Variants in DLGAP2 observed in about 807,000 individuals in gnomAD.
DLGAP2 encodes DLG associated protein 2.
Under a neutral mutation model 100.3 loss-of-function variants are expected in DLGAP2, and 26 were observed. That is an observed-to-expected ratio of 0.26 (90% CI 0.19 to 0.36). The LOEUF (loss-of-function observed/expected upper bound fraction) is 0.36. Ranked by LOEUF, DLGAP2 falls within the 10% of genes least tolerant of loss-of-function variation. The pLI is 1.00. For missense variants in DLGAP2, 1,858 were observed against 1,453.2 expected (o/e 1.28, Z -4.53); for synonymous variants, 886 against 630.1 (o/e 1.41, Z -6.08).
At chr8:917,874 C>G (rs1031311921) in intron 2 of DLGAP2, among the ~76,000 whole-genome samples, 1 of 152,136 alleles carries the variant, frequency 6.6e-6, no homozygotes, top group Non-Finnish European at 1.5e-5. Flanking sequence ...CTACTGCGCC[C>G]GGCCTCCAGA....
chr8:1,069,889 C>A (rs932293773), intron 2 of DLGAP2, among the ~76,000 whole-genome samples: 1 of 152,146 alleles, frequency 6.6e-6, no homozygotes, highest in Non-Finnish European at 1.5e-5. Flanking sequence ...CTAGAGAGGC[C>A]TCAGTTTCCC....
At chr8:831,740 A>G (rs183694929) in intron 1 of DLGAP2, among the ~76,000 whole-genome samples, 1 of 152,292 alleles carries the variant, frequency 6.6e-6, no homozygotes, top group East Asian at 1.9e-4. Flanking sequence ...CAGTAATTAG[A>G]TCACTGGGTC....
intron 14 of DLGAP2, 107 bp downstream of exon 14, chr8:1,697,406 C>T: frequency 2.7e-6 from 4 of 1,456,452 alleles, no homozygotes; most frequent in Non-Finnish European, 2.8e-6. Context: ...CTTTTGCTGG[C>T]AACACACGAG....
At chr8:1,640,771 G>A (rs986849392) in intron 8 of DLGAP2, among the ~76,000 whole-genome samples, 90 of 152,128 alleles carry the variant, frequency 5.9e-4, no homozygotes, top group Middle Eastern at 3.4e-3. Context: ...CACGTGGCCC[G>A]CCCCCCCGCA....
chr8:780,348 A>T (rs1226738824), intron 1 of DLGAP2, among the ~76,000 whole-genome samples: 3 of 152,216 alleles, frequency 2.0e-5, no homozygotes, highest in Non-Finnish European at 4.4e-5. Flanking sequence ...GCCAACTGGC[A>T]TTCCACTGTG....
intron 1 of DLGAP2, among the ~76,000 whole-genome samples, chr8:825,655 A>G (rs762884321): frequency 6.6e-6 from 1 of 152,116 alleles, no homozygotes; most frequent in Non-Finnish European, 1.5e-5. Flanking sequence ...TATTGATTTT[A>G]TCAATGAACC....
chr8:1,200,567 A>G (rs900088014), intron 2 of DLGAP2, among the ~76,000 whole-genome samples: 5 of 152,110 alleles, frequency 3.3e-5, no homozygotes, highest in African/African-American at 1.2e-4. Flanking sequence ...CTCCGGAAAG[A>G]GCCTCCCGCC....
At position 1,052,377 on chromosome 8, in the gene DLGAP2, G is replaced by A. The variant is rs113878880; in HGVS notation, c.73+144411G>A. Among the ~76,000 whole-genome samples, 1,284 of 152,298 alleles carry A rather than the reference G, an allele frequency of 8.4e-3. 21 individuals carry two copies. Among genetic ancestry groups the A allele is most frequent in the African/African-American group, 0.028 (1,172 of 41,544 alleles). ...GTAGCCTGTAATCCCTGACTCAAAGGCAGTAAAAAGGAAATAATTTTTGCA... is the reference window on the plus strand; with the variant it reads ...GTAGCCTGTAATCCCTGACTCAAAGACAGTAAAAAGGAAATAATTTTTGCA... On this transcript the variant is annotated intron_variant, in intron 2 of 14. Transcript: ENST00000637795.
At chr8:1,316,485 G>A (rs1339930268) in intron 3 of DLGAP2, among the ~76,000 whole-genome samples, 9 of 126,786 alleles carry the variant, frequency 7.1e-5, no homozygotes, top group East Asian at 2.4e-4. Flanking sequence ...GAGCGTGTGC[G>A]AGTGCAGCGT....
intron 3 of DLGAP2, among the ~76,000 whole-genome samples, chr8:1,438,483 T>A (rs1028047242): frequency 7.9e-5 from 12 of 152,092 alleles, no homozygotes; most frequent in African/African-American, 2.9e-4. Context: ...TGTGGCTTTT[T>A]AAAAAAAAAC....
At chr8:1,276,938 A>G (rs913297782) in intron 3 of DLGAP2, among the ~76,000 whole-genome samples, 3 of 152,190 alleles carry the variant, frequency 2.0e-5, no homozygotes, top group Admixed American at 1.3e-4. Context: ...TTATGGAATC[A>G]TATAACATCA....
intron 1 of DLGAP2, among the ~76,000 whole-genome samples, chr8:825,451 C>A (rs6559193): frequency 6.6e-6 from 1 of 152,062 alleles, no homozygotes; most frequent in South Asian, 2.1e-4. Context: ...TTCCTTCCAG[C>A]GGTGAGTGCC....
At chr8:1,388,685 G>A (rs1186873905) in intron 3 of DLGAP2, among the ~76,000 whole-genome samples, 12 of 77,962 alleles carry the variant, frequency 1.5e-4, no homozygotes, top group South Asian at 4.7e-4. Flanking sequence ...CGCTGGTTCA[G>A]GTGTCAGGGC....
At chr8:1,564,950 T>C (rs1584932761) in intron 5 of DLGAP2, among the ~76,000 whole-genome samples, 1 of 152,178 alleles carries the variant, frequency 6.6e-6, no homozygotes, top group African/African-American at 2.4e-5. Context: ...CACACAGATA[T>C]ATAGTATTCA....
intron 2 of DLGAP2, among the ~76,000 whole-genome samples, chr8:1,181,858 C>T (rs898718227): frequency 1.3e-5 from 2 of 152,158 alleles, no homozygotes; most frequent in Non-Finnish European, 2.9e-5. Context: ...CTGCACGGCA[C>T]CCCCTGGAGA....
chr8:1,168,090 TCTC>T (rs1286576923), intron 2 of DLGAP2, among the ~76,000 whole-genome samples: 1 of 139,380 alleles, frequency 7.2e-6, no homozygotes, highest in Non-Finnish European at 1.5e-5. Context: ...GTCCACGTGT[TCTC>T]ATTGTTCAGT....
chr8:1,384,723 T>G (rs71497196), intron 3 of DLGAP2, among the ~76,000 whole-genome samples: 10 of 35,816 alleles, frequency 2.8e-4, no homozygotes, highest in East Asian at 6.0e-3. Flanking sequence ...CCTATGCCCA[T>G]CCCCTGAGAA....
At chr8:1,158,550 C>G (rs542110330) in intron 2 of DLGAP2, among the ~76,000 whole-genome samples, 1 of 152,182 alleles carries the variant, frequency 6.6e-6, no homozygotes, top group Non-Finnish European at 1.5e-5. Flanking sequence ...TAGTGTTTTC[C>G]TATATATAAA....
rs193302686 is a variant in DLGAP2, at chr8:1,513,351, C to T, written c.172+11920C>T. Among the ~76,000 whole-genome samples, 7 of 151,260 alleles carry T rather than the reference C, an allele frequency of 4.6e-5. No homozygotes were observed. The East Asian group carries it at 9.9e-4, about 21-fold the overall frequency. On this transcript the variant is annotated intron_variant, in intron 4 of 14. Coordinates refer to ENST00000637795, the MANE Select transcript of DLGAP2 (RefSeq NM_001346810.2). ...AGGCCACAGGCCAGCTCCAGGGAGGCTCGGTGGGATACGCTACTGCCTTTC... is the reference window on the plus strand; with the variant it reads ...AGGCCACAGGCCAGCTCCAGGGAGGTTCGGTGGGATACGCTACTGCCTTTC...
Sources: gnomAD v4.1 joint callset for allele counts (sites outside exome capture counted in the v4.1 genomes callset) on GRCh38, gnomAD v4.1.1 for gene constraint, MANE v1.5 for transcripts, NCBI Gene and HGNC (gene_info 2026-07-23, HGNC 2026-07-21) for gene names.